Variants in ATP13A2 observed in about 807,000 individuals in gnomAD.
ATP13A2 encodes polyamine-transporting ATPase 13A2.
ATP13A2 carries 83 observed loss-of-function variants against 138.3 expected under a neutral mutation model. The ratio of observed to expected loss-of-function variants is 0.60; its 90% CI spans 0.50 to 0.72. The LOEUF (loss-of-function observed/expected upper bound fraction) is 0.72. Ranked by LOEUF, ATP13A2 falls within the 30% of genes least tolerant of loss-of-function variation. The pLI, the probability that ATP13A2 is intolerant of heterozygous loss-of-function variation, is 0.00. For synonymous variants in ATP13A2, 663 were observed against 699.0 expected (o/e 0.95, Z 0.81); for missense variants, 1,402 against 1,606.4 (o/e 0.87, Z 2.17).
Position 16,986,304 on chromosome 1 carries a change from C to T in ATP13A2, c.3460G>A (p.Ala1154Thr), listed in dbSNP as rs913197059. Residue 1154 changes from alanine (A) to threonine (T), a missense_variant, in exon 29 of 29, where the codon GCC becomes ACC. By Grantham distance (58) the Ala-to-Thr change is moderately conservative. Coordinates refer to ENST00000326735, the MANE Select transcript of ATP13A2 (RefSeq NM_022089.4). The surrounding 1 kb of genome is among the most constrained non-coding windows in gnomAD (Gnocchi z 6.9). ...ACLRRLRPKR[A>T]SKKRFKQLER... ...AGCTGCTTGAAGCGCTTCTTGGAGG[C>T]CCGCTTGGGCCGGAGGCGGCGCAGG... The T allele has an allele frequency of 1.3e-6, 2 of 1,594,460 alleles. No individual in the cohort carries two copies. Among genetic ancestry groups the T allele is most frequent in the African/African-American group, 1.3e-5 (1 of 74,684 alleles).
At chr1:16,997,244 G>A (rs1197089448) in intron 11 of ATP13A2, 69 bp from the exon 12 acceptor site, 4 of 1,587,928 alleles carry the variant, frequency 2.5e-6, no homozygotes, top group African/African-American at 1.3e-5. Context: ...GGAGTTCTGT[G>A]TAGAATTGTC....
Position 16,987,073 on chromosome 1 carries a change from C to T in ATP13A2, c.3056G>A (p.Gly1019Asp). 1 of 1,613,408 alleles carries T rather than the reference C, an allele frequency of 6.2e-7. No homozygotes were observed. The highest frequency in any genetic ancestry group is 1.7e-5 in the Admixed American group (1 of 60,016). ...TGGCTGGGCCAGGGTCAGGAAGTAG[C>T]CCCCTAGCTGCACGCCGGTCACCAG... ...MVLVTGVQLG[G>D]YFLTLAQPWF... Residue 1019 changes from glycine (G) to aspartate (D), a missense_variant, in exon 26 of 29, where the codon GGC becomes GAC. By Grantham distance (94) the Gly-to-Asp change is moderately conservative. Coordinates refer to ENST00000326735, the MANE Select transcript of ATP13A2 (RefSeq NM_022089.4).
chr1:16,994,852 C>T (rs1160775183), intron 15 of ATP13A2, among the ~76,000 whole-genome samples: 3 of 151,978 alleles, frequency 2.0e-5, no homozygotes, highest in South Asian at 2.1e-4. Flanking sequence ...TCAGTAGAGA[C>T]GGGGTTTCAC....
Position 17,011,359 on chromosome 1 carries a change from C to G in ATP13A2, c.10+370G>C, listed in dbSNP as rs1450230116. On this transcript the variant is annotated intron_variant, in intron 1 of 28. Coordinates refer to ENST00000326735, the MANE Select transcript of ATP13A2 (RefSeq NM_022089.4). This position sits in a 1 kb window ranked among gnomAD's most constrained non-coding sequence, Gnocchi z 7.3. ...CCGAGGATGCAGCCGTCTCCCCCACCTGGACATCCGTCACTCGGGGTGGGA... is the reference window on the plus strand; with the variant it reads ...CCGAGGATGCAGCCGTCTCCCCCACGTGGACATCCGTCACTCGGGGTGGGA... 6.6e-6 allele frequency among the ~76,000 whole-genome samples: 1 copy of G among 152,138 alleles called. No homozygotes were observed. The highest frequency in any genetic ancestry group is 1.9e-4 in the East Asian group (1 of 5,180).
At chr1:17,003,986 T>C (rs1280181915) in intron 6 of ATP13A2, among the ~76,000 whole-genome samples, 2 of 152,160 alleles carry the variant, frequency 1.3e-5, no homozygotes, top group African/African-American at 2.4e-5. Flanking sequence ...TTAAGCCTTT[T>C]GTAGGTGGCA....
chr1:16,993,154 T>C (rs1226837026), intron 16 of ATP13A2, among the ~76,000 whole-genome samples: 2 of 152,134 alleles, frequency 1.3e-5, no homozygotes, highest in Non-Finnish European at 2.9e-5. Flanking sequence ...CGACCTCAGG[T>C]GATCTGCCCA....
chr1:17,011,762 G>T lies in ATP13A2; in HGVS notation c.-24C>A, dbSNP rs1280060837. On this transcript the variant is annotated 5_prime_UTR_variant, in exon 1 of 29. Transcript: ENST00000326735. This position sits in a 1 kb window ranked among gnomAD's most constrained non-coding sequence, Gnocchi z 7.3. ...ATGCCGGCTCCTCGCGCTCATCGCCGGCCCCGGCGCTGCGGCCCTCGGCCT... is the reference window on the plus strand; with the variant it reads ...ATGCCGGCTCCTCGCGCTCATCGCCTGCCCCGGCGCTGCGGCCCTCGGCCT... 2.1e-6 allele frequency: 3 copies of T among 1,442,380 alleles called. No homozygotes were observed. Among genetic ancestry groups the T allele is most frequent in the Admixed American group, 2.5e-5 (1 of 39,958 alleles). The allele number at this position is 1,442,380 out of a possible 1,614,324, so 89.3% of individuals were successfully genotyped here. A position where few individuals can be genotyped will look rare whatever the true frequency, so the allele number is the denominator to read the frequency against.
Position 16,993,768 on chromosome 1 carries a change from A to C in ATP13A2, c.1610T>G (p.Leu537Arg), listed in dbSNP as rs2077018730. The C allele has an allele frequency of 6.9e-6, 11 of 1,589,372 alleles. No individual in the cohort carries two copies. The highest frequency in any genetic ancestry group is 1.3e-5 in the African/African-American group (1 of 74,446). ...GVVPLKGQAF[L>R]PLVPEPRRLP... ...GCGGCGAGGCTCTGGGACCAGGGGC[A>C]GGAATGCCTGCCCCTTCAGGGGCAC... Residue 537 changes from leucine (L) to arginine (R), a missense_variant, in exon 16 of 29, where the codon CTG (leucine) becomes CGG (arginine). Coordinates refer to ENST00000326735, the MANE Select transcript of ATP13A2 (RefSeq NM_022089.4).
At position 17,000,493 on chromosome 1, in the gene ATP13A2, C is replaced by T. The variant is rs941217137; in HGVS notation, c.747G>A (p.Ala249=). 6.2e-6 allele frequency: 10 copies of T among 1,613,940 alleles called. No homozygotes were observed. The highest frequency in any genetic ancestry group is 3.3e-5 in the Admixed American group (2 of 60,004). ...AGTAGTAGTGGTCAGCCAGCCACAG[C>T]GCGATGCTGAAGGCCTGGAACCCAT... The part of the protein sequence containing the change: ...PYYGFQAFSI[A]LWLADHYYWY... The change falls in exon 9 of 29, where the codon GCG becomes GCA. Residue 249 remains alanine (A), a synonymous_variant. Coordinates refer to ENST00000326735, the MANE Select transcript of ATP13A2 (RefSeq NM_022089.4).
At chr1:16,992,626 A>T (rs770178532) in intron 16 of ATP13A2, 45 bp from the exon 17 acceptor site, 14 of 1,592,204 alleles carry the variant, frequency 8.8e-6, no homozygotes, top group Non-Finnish European at 1.0e-5. Flanking sequence ...GCTTTGGCTC[A>T]CAGAGAGATT....
Position 16,988,951 on chromosome 1 carries a change from G to A in ATP13A2, c.2610-477C>T, listed in dbSNP as rs1255638619. On this transcript the variant is annotated intron_variant, in intron 23 of 28. Coordinates refer to ENST00000326735, the MANE Select transcript of ATP13A2 (RefSeq NM_022089.4). ...GCCCGGCCTATTATTTTTTGAGACA[G>A]AGTCTCCCTCTGTTGCCCAGGCTAG... Among the ~76,000 whole-genome samples the A allele has an allele frequency of 2.0e-5, 3 of 149,520 alleles. No individual in the cohort carries two copies. The South Asian group carries it at 6.4e-4, about 32-fold the overall frequency.
At position 16,996,241 on chromosome 1, in the gene ATP13A2, C is replaced by A. The variant is rs754625890; in HGVS notation, c.1353+13G>T. ...CTGCTGGCAGCACCCCCCACCCCAC[C>A]CCCAAGGCTTACCCGGTTTCGGTAG... On this transcript the variant is annotated intron_variant, in intron 14 of 28. Transcript: ENST00000326735. 1 of 1,614,172 alleles carries A rather than the reference C, an allele frequency of 6.2e-7. No homozygotes were observed. Among genetic ancestry groups the A allele is most frequent in the Non-Finnish European group, 8.5e-7 (1 of 1,180,040 alleles).
Position 16,996,954 on chromosome 1 carries a change from T to C in ATP13A2, c.1195+66A>G, listed in dbSNP as rs9435736. 1,288,307 of 1,566,436 alleles carry C rather than the reference T, an allele frequency of 0.82. 530,914 individuals are homozygous for C. Among genetic ancestry groups the C allele is most frequent in the Admixed American group, 0.88 (46,578 of 52,888 alleles). ...CCAGGGTTCCAGGTCCCACCCTGCCTCACTCCACCTCTCCCAAGGGTGCTG... is the reference window on the plus strand; with the variant it reads ...CCAGGGTTCCAGGTCCCACCCTGCCCCACTCCACCTCTCCCAAGGGTGCTG... On this transcript the variant is annotated intron_variant, in intron 12 of 28. Transcript: ENST00000326735.
At position 16,986,292 on chromosome 1, in the gene ATP13A2, G is replaced by A. The variant is rs201610681; in HGVS notation, c.3472C>T (p.Arg1158Cys). The change falls in exon 29 of 29, where the codon CGC (arginine) becomes TGC (cysteine). Residue 1158 changes from arginine to cysteine, a missense_variant. By Grantham distance (180) the Arg-to-Cys change is radical. Transcript: ENST00000326735. The surrounding 1 kb of genome is among the most constrained non-coding windows in gnomAD (Gnocchi z 6.9). ...RLRPKRASKK[R>C]FKQLERELAE... is the part of the protein sequence containing the mutation. ...AGCTCTCGTTCCAGCTGCTTGAAGC[G>A]CTTCTTGGAGGCCCGCTTGGGCCGG... The A allele has an allele frequency of 2.3e-4, 369 of 1,601,206 alleles. 2 individuals carry two copies. The highest frequency in any genetic ancestry group is 1.4e-3 in the South Asian group (122 of 89,186).
intron 25 of ATP13A2, among the ~76,000 whole-genome samples, chr1:16,987,685 T>C (rs2076786276): frequency 6.6e-6 from 1 of 152,130 alleles, no homozygotes; most frequent in South Asian, 2.1e-4. Context: ...CAGTGTCACC[T>C]CATTCGCTGG....
At chr1:17,000,703 G>T in intron 8 of ATP13A2, 169 bp from the exon 9 acceptor site, 1 of 842,136 alleles carries the variant, frequency 1.2e-6, no homozygotes, top group Non-Finnish European at 1.8e-6. Context: ...CATCCCCAGG[G>T]CCCTCAGTTT....
At chr1:16,994,816 C>A (rs1489668773) in intron 15 of ATP13A2, among the ~76,000 whole-genome samples, 5 of 152,036 alleles carry the variant, frequency 3.3e-5, no homozygotes, top group Non-Finnish European at 1.5e-5. Context: ...GCATATGTCA[C>A]CGTGCCTGGC....
intron 16 of ATP13A2, among the ~76,000 whole-genome samples, chr1:16,993,123 G>A (rs1437060116): frequency 6.6e-6 from 1 of 152,132 alleles, no homozygotes; most frequent in Non-Finnish European, 1.5e-5. Flanking sequence ...CACTATGTTG[G>A]CCAGGCTGCT....
intron 16 of ATP13A2, 130 bp from the exon 17 acceptor site, chr1:16,992,711 T>C (rs2076980303): frequency 1.1e-6 from 1 of 900,978 alleles, no homozygotes; most frequent in Non-Finnish European, 1.7e-6. Flanking sequence ...TGGAGCCCGG[T>C]GGACTCAAAT....
Sources: allele counts gnomAD v4.1 joint callset (sites outside exome capture counted in the v4.1 genomes callset), GRCh38; gene constraint gnomAD v4.1.1; non-coding constraint Gnocchi (gnomAD v3.1); transcripts MANE v1.5; gene names NCBI Gene and HGNC (gene_info 2026-07-23, HGNC 2026-07-21).